The following PGM5 variants were observed in gnomAD, a reference collection of about 807,000 sequenced individuals.
PGM5 encodes phosphoglucomutase-like protein 5.
PGM5 carries 23 observed loss-of-function variants against 59.2 expected under a neutral mutation model. The ratio of observed to expected loss-of-function variants is 0.39; its 90% CI spans 0.28 to 0.55. The LOEUF (loss-of-function observed/expected upper bound fraction) is 0.55. PGM5 is among the 20% of genes least tolerant of loss of function. The probability of loss-of-function intolerance (pLI) is 0.66; values close to 1 mark genes in which losing one functional copy is unlikely to be tolerated. For synonymous variants in PGM5, 214 were observed against 286.0 expected (o/e 0.75, Z 2.54); for missense variants, 574 against 748.3 (o/e 0.77, Z 2.72).
intron 9 of PGM5, among the ~76,000 whole-genome samples, chr9:68,489,280 G>C (rs782123241): frequency 1.3e-5 from 2 of 152,130 alleles, no homozygotes; most frequent in Non-Finnish European, 2.9e-5. Context: ...TCCACATTGA[G>C]AGACAGCATA....
chr9:68,510,010 A>G (rs1039053181), intron 10 of PGM5, among the ~76,000 whole-genome samples: 1 of 152,198 alleles, frequency 6.6e-6, no homozygotes, highest in South Asian at 2.1e-4. Context: ...CTTAACAGCC[A>G]GAGGAAAAGA....
At chr9:68,444,134 CT>C (rs1823574483) in intron 6 of PGM5, among the ~76,000 whole-genome samples, 1 of 151,306 alleles carries the variant, frequency 6.6e-6, no homozygotes, top group African/African-American at 2.4e-5. Context: ...CACAGATAGC[CT>C]TTTAGTTCAA....
intron 10 of PGM5, among the ~76,000 whole-genome samples, chr9:68,523,327 G>A (rs1824925449): frequency 6.6e-6 from 1 of 152,172 alleles, no homozygotes; most frequent in African/African-American, 2.4e-5. Context: ...ATCCTGGGAA[G>A]CTGTTGGAAA....
rs183684102 is a variant in PGM5, at chr9:68,484,671, T to C, written c.1479+623T>C. Among the ~76,000 whole-genome samples the C allele has an allele frequency of 2.1e-3, 327 of 152,118 alleles. 1 individual carries two copies. The highest frequency in any genetic ancestry group is 7.2e-3 in the African/African-American group (299 of 41,496). ...CCACTTGGTAATGGATAGACCAATA[T>C]GTCAAATAAATACAGACCCAACATT... On this transcript the variant is annotated intron_variant, in intron 9 of 10. Transcript: ENST00000396396.
intron 6 of PGM5, among the ~76,000 whole-genome samples, chr9:68,431,731 T>G (rs1823353143): frequency 6.6e-6 from 1 of 152,150 alleles, no homozygotes; most frequent in African/African-American, 2.4e-5. Flanking sequence ...GATGGGGGAT[T>G]TATTAGGACT....
At chr9:68,493,614 C>T (rs138865633) in intron 9 of PGM5, among the ~76,000 whole-genome samples, 76 of 152,300 alleles carry the variant, frequency 5.0e-4, no homozygotes, top group African/African-American at 1.8e-3. Flanking sequence ...TAAGATCTGA[C>T]ACTCACAACA....
chr9:68,432,234 C>T (rs782074543), intron 6 of PGM5, among the ~76,000 whole-genome samples: 3 of 149,888 alleles, frequency 2.0e-5, no homozygotes, highest in Non-Finnish European at 3.0e-5. Flanking sequence ...AAGTCTTGCT[C>T]TGTTGCCCAG....
rs782419171 is a variant in PGM5 at position 68,499,243 on chromosome 9, T to G, written c.1496T>G (p.Phe499Cys). Residue 499 changes from phenylalanine (F) to cysteine (C), a missense_variant, in exon 10 of 11, where the codon TTC (phenylalanine) becomes TGC (cysteine). Transcript: ENST00000396396. The part of the protein sequence containing the change: ...VTKKQGLRII[F>C]SDASRLIFRL... Reference sequence around the variant, plus strand: ...TGGTCTCAGGGCCTAAGGATCATTTTCTCGGATGCATCACGGCTCATCTTC... The same window carrying G: ...TGGTCTCAGGGCCTAAGGATCATTTGCTCGGATGCATCACGGCTCATCTTC... 20 of 1,614,106 alleles carry G rather than the reference T, an allele frequency of 1.2e-5. No individual in the cohort carries two copies. In the Admixed American group the frequency reaches 3.3e-4, roughly 27 times the overall value.
intron 6 of PGM5, among the ~76,000 whole-genome samples, chr9:68,456,638 T>C (rs1466213506): frequency 2.7e-5 from 4 of 147,748 alleles, no homozygotes; most frequent in African/African-American, 7.5e-5. Flanking sequence ...TTTTTTTTTT[T>C]CCTTGAAACA....
chr9:68,427,952 G>A (rs534062557), intron 6 of PGM5, among the ~76,000 whole-genome samples: 4 of 152,234 alleles, frequency 2.6e-5, no homozygotes, highest in Admixed American at 6.5e-5. Flanking sequence ...GTTGTTTTAT[G>A]TTGAACACTG....
chr9:68,418,209 G>T (rs1554682129), intron 6 of PGM5, among the ~76,000 whole-genome samples: 1 of 152,122 alleles, frequency 6.6e-6, no homozygotes, highest in African/African-American at 2.4e-5. Context: ...GAGCTTAGGA[G>T]TCATATCAGC....
intron 10 of PGM5, among the ~76,000 whole-genome samples, chr9:68,526,049 CCTT>C (rs1212607392): frequency 1.3e-5 from 2 of 149,918 alleles, no homozygotes; most frequent in Non-Finnish European, 2.9e-5. Flanking sequence ...GAGTGAGACT[CCTT>C]CTCAAAAAAA....
chr9:68,408,897 A>G (rs1188679578), intron 6 of PGM5, among the ~76,000 whole-genome samples: 1 of 151,586 alleles, frequency 6.6e-6, no homozygotes, highest in Non-Finnish European at 1.5e-5. Flanking sequence ...GACATGCGGC[A>G]TTATTTCTGA....
In PGM5 at chr9:68,483,976, T is replaced by C. The variant is rs1814592169; in HGVS notation, c.1407T>C (p.His469=). 3.1e-6 allele frequency: 5 copies of C among 1,613,994 alleles called. No individual in the cohort carries two copies. Among genetic ancestry groups the C allele is most frequent in the African/African-American group, 2.7e-5 (2 of 74,932 alleles). ...FIGQQFAVGS[H]VYSVAKTDSF... ...GCCAGCAGTTTGCTGTGGGGAGCCA[T>C]GTCTACAGCGTGGCGAAGACGGATA... Residue 469 remains histidine, a synonymous_variant, in exon 9 of 11, where the codon CAT becomes CAC. Transcript: ENST00000396396.
At chr9:68,387,924 A>G (rs1822267415) in intron 4 of PGM5, among the ~76,000 whole-genome samples, 1 of 152,008 alleles carries the variant, frequency 6.6e-6, no homozygotes, top group Non-Finnish European at 1.5e-5. Context: ...CCCAACTCCT[A>G]TCTTCCCCCA....
chr9:68,450,798 AG>A (rs1823684570), intron 6 of PGM5, among the ~76,000 whole-genome samples: 1 of 152,218 alleles, frequency 6.6e-6, no homozygotes, highest in African/African-American at 2.4e-5. Context: ...GTGCTGGGTT[AG>A]TGTGCTGGGA....
chr9:68,428,383 C>A (rs1450400271), intron 6 of PGM5, among the ~76,000 whole-genome samples: 2 of 152,036 alleles, frequency 1.3e-5, no homozygotes, highest in African/African-American at 4.8e-5. Flanking sequence ...TAGAGGTTTG[C>A]GAGGTGTTTA....
rs1554679475 is a variant in PGM5, at chr9:68,391,675, C to A, written c.839C>A (p.Ala280Glu). ...NLTYATTLLE[A>E]MKGGEYGFGA... ...ACATATGCAACGACTCTTCTGGAAGCAATGAAAGGAGGAGAATATGGATTT... is the reference window on the plus strand; with the variant it reads ...ACATATGCAACGACTCTTCTGGAAGAAATGAAAGGAGGAGAATATGGATTT... The change falls in exon 5 of 11, where the codon GCA becomes GAA. Residue 280 changes from alanine (A) to glutamate (E), a missense_variant. Ala to Glu is a moderately radical substitution (Grantham distance 107, BLOSUM62 -1). Around this residue, in one of 7 missense-constraint regions of PGM5, gnomAD observed 34 missense variants for 48.1 expected, o/e 0.71. Coordinates refer to ENST00000396396, the MANE Select transcript of PGM5 (RefSeq NM_021965.4). 1 of 1,613,022 alleles carries A rather than the reference C, an allele frequency of 6.2e-7. No individual in the cohort carries two copies. The highest frequency in any genetic ancestry group is 1.3e-5 in the African/African-American group (1 of 74,796).
At chr9:68,375,221 C>T (rs1222567992) in intron 1 of PGM5, among the ~76,000 whole-genome samples, 2 of 152,170 alleles carry the variant, frequency 1.3e-5, no homozygotes, top group Admixed American at 6.5e-5. Context: ...AAGTCACACA[C>T]AATCACTTCT....
Sources: allele counts gnomAD v4.1 joint callset (sites outside exome capture counted in the v4.1 genomes callset), GRCh38; gene constraint gnomAD v4.1.1; regional missense constraint gnomAD v4.1.1; transcripts MANE v1.5; gene names NCBI Gene and HGNC (gene_info 2026-07-23, HGNC 2026-07-21).